Variants in ZNF562 observed in about 807,000 individuals in gnomAD.
ZNF562 encodes zinc finger protein 562.
A neutral mutation model predicts 17.5 loss-of-function variants in ZNF562; 13 were observed. The observed-to-expected ratio is 0.74, with a 90% CI of 0.48 to 1.18. The LOEUF is 1.18. Ranked by LOEUF, ZNF562 falls within the 50% of genes most tolerant of loss-of-function variation. ZNF562 has a pLI of 0.00. For missense variants in ZNF562, 481 were observed against 498.5 expected (o/e 0.96, Z 0.33); for synonymous variants, 163 against 165.4 (o/e 0.99, Z 0.11).
rs543817191 is a variant in ZNF562 at position 9,652,694 on chromosome 19, A to G, written c.*255T>C. ...AATCTGTGAGCCATTACAACCTCCA[A>G]AAGGCATTTAGGACTAATCTGATGA... On this transcript the variant is annotated 3_prime_UTR_variant, in exon 6 of 6. Transcript: ENST00000453372. 3.2e-6 allele frequency: 1 copy of G among 309,078 alleles called. No homozygotes were observed. The highest frequency in any genetic ancestry group is 5.6e-5 in the East Asian group (1 of 17,858). The allele number at this position is 309,078 out of a possible 1,614,324, so 19.1% of individuals were successfully genotyped here. A position where few individuals can be genotyped will look rare whatever the true frequency, so the allele number is the denominator to read the frequency against.
intron 5 of ZNF562, among the ~76,000 whole-genome samples, chr19:9,654,092 G>C (rs1206666705): frequency 6.6e-6 from 1 of 151,216 alleles, no homozygotes; most frequent in Non-Finnish European, 1.5e-5. Context: ...CCAGGCTCAA[G>C]TGATTCTCCT....
intron 1 of ZNF562, among the ~76,000 whole-genome samples, chr19:9,661,406 C>T (rs551556860): frequency 6.6e-6 from 1 of 152,224 alleles, no homozygotes; most frequent in African/African-American, 2.4e-5. Flanking sequence ...GCAACCTCTG[C>T]CTCCCAGGTT....
At chr19:9,657,324 G>A (rs2043537280) in intron 4 of ZNF562, among the ~76,000 whole-genome samples, 1 of 149,226 alleles carries the variant, frequency 6.7e-6, no homozygotes, top group African/African-American at 2.5e-5. Context: ...AACCCGGGAG[G>A]CAGAGCTTGC....
At position 9,646,034 on chromosome 19, in the gene ZNF562, A is replaced by T. The variant is rs1431428647; in HGVS notation, c.*6915T>A. 1.3e-5 allele frequency: 2 copies of T among 152,108 alleles called. No individual in the cohort carries two copies. Among genetic ancestry groups the T allele is most frequent in the African/African-American group, 4.8e-5 (2 of 41,426 alleles). 9.4% of individuals were successfully genotyped at this position (152,108 alleles called of 1,614,324 possible). A position where few individuals can be genotyped will look rare whatever the true frequency, so the allele number is the denominator to read the frequency against. ...ATGTCAGGCACTAAATGTGCAACAT[A>T]AAAGGATTGTTAATTGGTATTATTC... On this transcript the variant is annotated 3_prime_UTR_variant, in exon 6 of 6. Coordinates refer to ENST00000453372, the MANE Select transcript of ZNF562 (RefSeq NM_001130031.2).
rs1041411352 is a variant in ZNF562, at chr19:9,650,882, A to C, written c.*2067T>G. 1 of 133,040 alleles carries C rather than the reference A, an allele frequency of 7.5e-6. No homozygotes were observed. The highest frequency in any genetic ancestry group is 9.0e-5 in the Admixed American group (1 of 11,164). The allele number at this position is 133,040 out of a possible 1,614,324, so 8.2% of individuals were successfully genotyped here. ...GGCAGGAGAATCACTGGAACTCAGG[A>C]GGTGGAGGTTGCGGTGAGCCAAGAT... is the stretch of plus-strand genomic sequence containing the variant. On this transcript the variant is annotated 3_prime_UTR_variant, in exon 6 of 6. Transcript: ENST00000453372.
At chr19:9,665,779 C>A (rs112289325) in intron 1 of ZNF562, among the ~76,000 whole-genome samples, 1 of 152,018 alleles carries the variant, frequency 6.6e-6, no homozygotes, top group Non-Finnish European at 1.5e-5. Context: ...TTTTGGGAGG[C>A]CGACACAGGT....
chr19:9,670,926 G>A (rs917230646), intron 1 of ZNF562, among the ~76,000 whole-genome samples: 2 of 151,768 alleles, frequency 1.3e-5, no homozygotes, highest in Non-Finnish European at 2.9e-5. Flanking sequence ...GAATCCGGGA[G>A]GAGGCAGAGG....
At chr19:9,654,767 CAG>C (rs1430365308) in intron 5 of ZNF562, among the ~76,000 whole-genome samples, 2 of 152,058 alleles carry the variant, frequency 1.3e-5, no homozygotes, top group African/African-American at 2.4e-5. Flanking sequence ...TTTATAGAGA[CAG>C]GGTCTTGGTA....
Position 9,672,882 on chromosome 19 carries a change from T to C in ZNF562, c.-131+2133A>G, listed in dbSNP as rs556892454. ...GCAACCTCCGCCTCCCGGGTTAAAG[T>C]GATTCTCTTGCCTCAGCCTCCGGAG... On this transcript the variant is annotated intron_variant, in intron 1 of 5. Transcript: ENST00000453372. 6.0e-5 allele frequency among the ~76,000 whole-genome samples: 9 copies of C among 149,350 alleles called. No homozygotes were observed. In the South Asian group the frequency reaches 1.9e-3, roughly 32 times the overall value.
rs1022140048 is a variant in ZNF562, at chr19:9,652,898, G to A, written c.*51C>T. ...TACAAAAGGTTTCTCTCTGGTAGGAGTTCACAGGTGGGGTGAGGAATACAG... is the reference window on the plus strand; with the variant it reads ...TACAAAAGGTTTCTCTCTGGTAGGAATTCACAGGTGGGGTGAGGAATACAG... On this transcript the variant is annotated 3_prime_UTR_variant, in exon 6 of 6. Coordinates refer to ENST00000453372, the MANE Select transcript of ZNF562 (RefSeq NM_001130031.2). 1.4e-6 allele frequency: 2 copies of A among 1,450,196 alleles called. No homozygotes were observed. The highest frequency in any genetic ancestry group is 9.1e-7 in the Non-Finnish European group (1 of 1,096,140). The allele number at this position is 1,450,196 out of a possible 1,614,324, so 89.8% of individuals were successfully genotyped here. A position where few individuals can be genotyped will look rare whatever the true frequency, so the allele number is the denominator to read the frequency against.
chr19:9,669,708 A>AG (rs1568281408), intron 1 of ZNF562, among the ~76,000 whole-genome samples: 4 of 140,080 alleles, frequency 2.9e-5, no homozygotes, highest in Non-Finnish European at 4.5e-5. Context: ...GTCTGCATGC[A>AG]CGCGCGCGAG....
chr19:9,659,967 A>C (rs1377575287), intron 2 of ZNF562, among the ~76,000 whole-genome samples: 4 of 128,836 alleles, frequency 3.1e-5, no homozygotes, highest in South Asian at 2.4e-4. Context: ...AAAAAAAAAA[A>C]AAAAAAAAAA....
rs989017224 is a variant in ZNF562, at chr19:9,650,299, T to C, written c.*2650A>G. The C allele has an allele frequency of 6.6e-6, 1 of 151,832 alleles. No individual in the cohort carries two copies. Among genetic ancestry groups the C allele is most frequent in the Non-Finnish European group, 1.5e-5 (1 of 67,978 alleles). 9.4% of individuals were successfully genotyped at this position (151,832 alleles called of 1,614,324 possible). ...AGTACTTAATATGATTCTTTTCTCT[T>C]TCCACATAGAGAATCAGATAATCTA... On this transcript the variant is annotated 3_prime_UTR_variant, in exon 6 of 6. Coordinates refer to ENST00000453372, the MANE Select transcript of ZNF562 (RefSeq NM_001130031.2).
intron 1 of ZNF562, among the ~76,000 whole-genome samples, chr19:9,665,236 A>G (rs79398506): frequency 6.6e-6 from 1 of 151,672 alleles, no homozygotes; most frequent in East Asian, 1.9e-4. Context: ...AAAAAAAAAA[A>G]GCAGTTTCTG....
chr19:9,660,793 C>T lies in ZNF562; in HGVS notation c.-49G>A, dbSNP rs1212755020. ...TGCCTCAATGCTGTCTTTCTTGATG[C>T]CAAGATCGCCTCAGGGCAGCTTATG... On this transcript the variant is annotated 5_prime_UTR_variant, in exon 2 of 6. Transcript: ENST00000453372. 1.2e-6 allele frequency: 2 copies of T among 1,606,706 alleles called. No homozygotes were observed. Among genetic ancestry groups the T allele is most frequent in the Non-Finnish European group, 1.7e-6 (2 of 1,175,098 alleles).
intron 4 of ZNF562, 48 bp from the exon 5 acceptor site, chr19:9,656,701 C>G (rs749567203): frequency 1.3e-6 from 2 of 1,575,300 alleles, no homozygotes; most frequent in African/African-American, 2.7e-5. Flanking sequence ...AGTCATTTGT[C>G]CTTGTTTTCA....
In ZNF562 at chr19:9,659,343, T is replaced by C. The variant is rs1411706876; in HGVS notation, c.114+36A>G. 22 of 1,513,960 alleles carry C rather than the reference T, an allele frequency of 1.5e-5. No homozygotes were observed. The East Asian group carries it at 2.5e-4, about 17-fold the overall frequency. The allele number at this position is 1,513,960 out of a possible 1,614,324, so 93.8% of individuals were successfully genotyped here. On this transcript the variant is annotated intron_variant, in intron 3 of 5. Transcript: ENST00000453372. ...AATGTGTCTACCTATTGGATGTAAGTATGTCATTTTGTACAACGGTACATT... is the reference window on the plus strand; with the variant it reads ...AATGTGTCTACCTATTGGATGTAAGCATGTCATTTTGTACAACGGTACATT...
intron 4 of ZNF562, among the ~76,000 whole-genome samples, chr19:9,656,871 A>AAAAAAAATAT (rs376933513): frequency 0.044 from 6,208 of 142,324 alleles, 187 homozygotes; most frequent in South Asian, 0.12. Context: ...AAAATACAAA[A>AAAAAAAATAT]ATATATATAT....
At chr19:9,656,339 C>A (rs1427595251) in intron 5 of ZNF562, among the ~76,000 whole-genome samples, 1 of 152,014 alleles carries the variant, frequency 6.6e-6, no homozygotes, top group Non-Finnish European at 1.5e-5. Flanking sequence ...GAAACCCTGT[C>A]TCTACTATAA....
Sources: allele counts gnomAD v4.1 joint callset (sites outside exome capture counted in the v4.1 genomes callset), GRCh38; gene constraint gnomAD v4.1.1; transcripts MANE v1.5; gene names NCBI Gene and HGNC (gene_info 2026-07-23, HGNC 2026-07-21).